GATAD2A: variants seen among roughly 807,000 people sequenced by gnomAD.
The protein encoded by GATAD2A is GATA zinc finger domain containing 2A.
GATAD2A carries 12 observed loss-of-function variants against 68.5 expected under a neutral mutation model. That is an observed-to-expected ratio of 0.18 (90% CI 0.11 to 0.28). The LOEUF (loss-of-function observed/expected upper bound fraction) is 0.28, where lower values mean the gene tolerates loss of function less well. Ranked by LOEUF, GATAD2A falls within the 10% of genes least tolerant of loss-of-function variation. The pLI is 1.00. For synonymous variants in GATAD2A, 410 were observed against 375.3 expected, an observed-to-expected ratio of 1.09 and a Z score of -1.07; for missense variants, 755 against 868.5, an observed-to-expected ratio of 0.87 and a Z score of 1.64.
At chr19:19,477,907 C>T (rs2058782386) in intron 2 of GATAD2A, among the ~76,000 whole-genome samples, 1 of 152,228 alleles carries the variant, frequency 6.6e-6, no homozygotes, top group Admixed American at 6.5e-5. Context: ...GTTTGATCCA[C>T]AGCCATAGGG....
intron 1 of GATAD2A, among the ~76,000 whole-genome samples, chr19:19,422,971 G>A (rs367862593): frequency 1.3e-5 from 2 of 152,034 alleles, no homozygotes; most frequent in African/African-American, 2.4e-5. Context: ...TCGGCCTCCT[G>A]AAGTGCTGGG....
At chr19:19,466,905 G>A (rs886775682) in intron 2 of GATAD2A, among the ~76,000 whole-genome samples, 3 of 152,208 alleles carry the variant, frequency 2.0e-5, no homozygotes, top group Non-Finnish European at 4.4e-5. Flanking sequence ...GCAGTGAGGG[G>A]CTGGTGTGGA....
At chr19:19,425,440 G>T (rs921422143) in intron 1 of GATAD2A, among the ~76,000 whole-genome samples, 1 of 152,198 alleles carries the variant, frequency 6.6e-6, no homozygotes, top group Non-Finnish European at 1.5e-5. Flanking sequence ...ACAGGTGCAT[G>T]TGCAAAGGAG....
At position 19,505,653 on chromosome 19, in the gene GATAD2A, C is replaced by T. The variant is rs1472091178; in HGVS notation, c.*179C>T. 1 of 558,402 alleles carries T rather than the reference C, an allele frequency of 1.8e-6. No individual in the cohort carries two copies. Among genetic ancestry groups the T allele is most frequent in the East Asian group, 3.4e-5 (1 of 29,176 alleles). 34.6% of individuals were successfully genotyped at this position (558,402 alleles called of 1,614,324 possible). ...TCTTGGCTGCAAAGTTTCATCAGGGCTAGGGGGCTGGTGCCGCCTCATAGG... is the reference window on the plus strand; with the variant it reads ...TCTTGGCTGCAAAGTTTCATCAGGGTTAGGGGGCTGGTGCCGCCTCATAGG... On this transcript the variant is annotated 3_prime_UTR_variant, in exon 12 of 12. Transcript: ENST00000683918.
chr19:19,438,908 C>T (rs1410401810), intron 1 of GATAD2A, among the ~76,000 whole-genome samples: 1 of 152,250 alleles, frequency 6.6e-6, no homozygotes, highest in African/African-American at 2.4e-5. Flanking sequence ...GTGTGTAAGA[C>T]AGCCCAGCAT....
upstream of GATAD2A, among the ~76,000 whole-genome samples, chr19:19,405,548 G>T (rs1490139553): frequency 2.0e-5 from 3 of 152,066 alleles, no homozygotes; most frequent in East Asian, 5.8e-4. Context: ...GAGCGCGCCG[G>T]AGAGGGGCGG....
intron 1 of GATAD2A, among the ~76,000 whole-genome samples, chr19:19,459,781 T>G (rs1248811093): frequency 1.3e-5 from 2 of 152,140 alleles, no homozygotes; most frequent in South Asian, 2.1e-4. Context: ...CCAGCCAGCG[T>G]GTGTGTGATG....
intron 1 of GATAD2A, among the ~76,000 whole-genome samples, chr19:19,454,807 G>T (rs1350031336): frequency 6.8e-6 from 1 of 146,852 alleles, no homozygotes; most frequent in Non-Finnish European, 1.5e-5. Flanking sequence ...GCTTATTTTG[G>T]AAAAGCAGAT....
intron 1 of GATAD2A, among the ~76,000 whole-genome samples, chr19:19,438,030 A>G (rs929975378): frequency 6.6e-6 from 1 of 152,170 alleles, no homozygotes; most frequent in African/African-American, 2.4e-5. Flanking sequence ...GCACTATTTT[A>G]CATTCCCTGA....
intron 2 of GATAD2A, among the ~76,000 whole-genome samples, chr19:19,481,256 G>A (rs548335521): frequency 9.2e-5 from 14 of 152,262 alleles, no homozygotes; most frequent in Non-Finnish European, 1.5e-4. Context: ...GGATTCCTGA[G>A]CTCCACAACC....
exon 1 of GATAD2A, chr19:19,385,937 ACCCCCGCCGCCCGAGCGCGC>A (rs1483013090): frequency 1.4e-5 from 2 of 147,664 alleles, no homozygotes; most frequent in East Asian, 2.0e-4. Flanking sequence ...GCGCACGCGC[ACCCCCGCCGCCCGAGCGCGC>A]CCCGCGCCGC....
chr19:19,473,277 G>T (rs1160708014), intron 2 of GATAD2A, among the ~76,000 whole-genome samples: 1 of 152,204 alleles, frequency 6.6e-6, no homozygotes, highest in East Asian at 1.9e-4. Context: ...AGGCTGGGAT[G>T]TGTGTTCCTT....
rs2049215674 is a variant in GATAD2A, at chr19:19,396,031, T to C, written c.-7+9893T>C. ...AGTAAAGGTAGTTGTTAAAGAATCA[T>C]ATTTAGGAGCCGGGCACGGTGGCTC... On this transcript the variant is annotated intron_variant, in intron 1 of 11. Transcript: ENST00000360315. Among the ~76,000 whole-genome samples, 4 of 152,032 alleles carry C rather than the reference T, an allele frequency of 2.6e-5. No individual in the cohort carries two copies. In the South Asian group the frequency reaches 8.3e-4, roughly 32 times the overall value.
chr19:19,447,418 C>T (rs1377580776), intron 1 of GATAD2A, among the ~76,000 whole-genome samples: 1 of 152,186 alleles, frequency 6.6e-6, no homozygotes, highest in Non-Finnish European at 1.5e-5. Flanking sequence ...ACCAAAGAAG[C>T]ACTGATACAG....
In GATAD2A at chr19:19,505,400, G is replaced by A. The variant is rs770585788; in HGVS notation, c.1831G>A (p.Val611Met). 1.4e-5 allele frequency: 23 copies of A among 1,612,464 alleles called. No homozygotes were observed. Among genetic ancestry groups the A allele is most frequent in the African/African-American group, 8.0e-5 (6 of 74,852 alleles). Residue 611 changes from valine to methionine, a missense_variant, in exon 12 of 12, where the codon GTG (valine) becomes ATG (methionine). Val to Met is a conservative substitution (Grantham distance 21). Coordinates refer to ENST00000683918, the MANE Select transcript of GATAD2A (RefSeq NM_001384528.1). ...GGCGGTGCACAAGAGCTCCTCGGCC[G>A]TGGACCGCCAGCGAGAGTACCTCCT... ...SLAVHKSSSA[V>M]DRQREYLLDM... is the part of the protein sequence containing the mutation.
At chr19:19,462,007 G>C (rs2057473265) in intron 1 of GATAD2A, among the ~76,000 whole-genome samples, 1 of 152,222 alleles carries the variant, frequency 6.6e-6, no homozygotes, top group Admixed American at 6.5e-5. Context: ...CACCGGAGCT[G>C]CCTTCCCCTC....
intron 2 of GATAD2A, among the ~76,000 whole-genome samples, chr19:19,478,449 C>G (rs1001774281): frequency 6.6e-6 from 1 of 152,134 alleles, no homozygotes; most frequent in African/African-American, 2.4e-5. Context: ...AAAAAAGTAG[C>G]TGGGTGTGGT....
At chr19:19,501,494 C>A in intron 9 of GATAD2A, 78 bp downstream of exon 9, 2 of 1,130,748 alleles carry the variant, frequency 1.8e-6, no homozygotes, top group South Asian at 1.6e-5. Context: ...GCCTGCGCTG[C>A]ACCGCCTGAT....
Position 19,502,320 on chromosome 19 carries a change from C to A in GATAD2A, c.1579-11C>A. On this transcript the variant is annotated splice_polypyrimidine_tract_variant and intron_variant, in intron 10 of 11. Transcript: ENST00000683918. ...CCTGCATGAGCCGTCACCCCCCTTT[C>A]TCCACTGCAGGCCTCCAGCCAGCTG... The A allele has an allele frequency of 6.3e-7, 1 of 1,597,098 alleles. No individual in the cohort carries two copies. Among genetic ancestry groups the A allele is most frequent in the Admixed American group, 1.7e-5 (1 of 58,994 alleles).
Sources: allele counts gnomAD v4.1 joint callset (sites outside exome capture counted in the v4.1 genomes callset), GRCh38; gene constraint gnomAD v4.1.1; transcripts MANE v1.5; gene names NCBI Gene and HGNC (gene_info 2026-07-23, HGNC 2026-07-21).